Variants in BTG4 observed in about 807,000 individuals in gnomAD.
The protein encoded by BTG4 is protein BTG4.
In BTG4, 10 loss-of-function variants were observed where a neutral mutation model predicts 19.3. The ratio of observed to expected loss-of-function variants is 0.52; its 90% CI spans 0.32 to 0.88. The LOEUF is 0.88. Ranked by LOEUF, BTG4 falls within the 40% of genes least tolerant of loss-of-function variation. The pLI is 0.04. For missense variants in BTG4, 238 were observed against 281.9 expected, an observed-to-expected ratio of 0.84 and a Z score of 1.11; for synonymous variants, 91 against 95.7, an observed-to-expected ratio of 0.95 and a Z score of 0.29.
chr11:111,444,463 G>T, the BTG4 span, among the ~76,000 whole-genome samples: 1 of 152,046 alleles, frequency 6.6e-6, no homozygotes. Flanking sequence ...GAGTAGTGGG[G>T]GGCTGGGAGG....
the BTG4 span, among the ~76,000 whole-genome samples, chr11:111,410,262 C>A: frequency 6.6e-6 from 1 of 151,996 alleles, no homozygotes; most frequent in Admixed American, 6.6e-5. Context: ...CAGCATCACA[C>A]CCAGCTAATT....
downstream of BTG4, among the ~76,000 whole-genome samples, chr11:111,490,132 A>AC (rs59019476): frequency 6.6e-6 from 1 of 150,518 alleles, no homozygotes; most frequent in East Asian, 1.9e-4. Context: ...AAAAAAAAAA[A>AC]TTAGCTGGGT....
chr11:111,403,813 G>A, the BTG4 span, among the ~76,000 whole-genome samples: 1 of 152,176 alleles, frequency 6.6e-6, no homozygotes, highest in Non-Finnish European at 1.5e-5. Flanking sequence ...GATATTGATG[G>A]TAATGATGGT....
intron 5 of BTG4, chr11:111,469,313 C>G (rs530219689): frequency 6.6e-6 from 1 of 152,368 alleles, no homozygotes; most frequent in Non-Finnish European, 1.5e-5. Flanking sequence ...CACCAGGACT[C>G]CAGCCCTGCC....
At chr11:111,426,314 G>T in the BTG4 span, among the ~76,000 whole-genome samples, 4 of 151,872 alleles carry the variant, frequency 2.6e-5, no homozygotes, top group Non-Finnish European at 4.4e-5. Flanking sequence ...GAGAGTGGTT[G>T]TATCTACACA....
At chr11:111,451,665 G>C in the BTG4 span, among the ~76,000 whole-genome samples, 1 of 152,204 alleles carries the variant, frequency 6.6e-6, no homozygotes, top group African/African-American at 2.4e-5. Flanking sequence ...TTGGGAGGCT[G>C]AGGCAGGAGA....
chr11:111,495,152 C>T lies in BTG4; in HGVS notation c.673G>A (p.Val225Ile), dbSNP rs1361172569. Residue 225 changes from valine to isoleucine, a missense_variant, in exon 5 of 5, where the codon GTC (valine) becomes ATC (isoleucine). Transcript: ENST00000692032. ...TCGCTGCGTCATCGGTGTGTGTTGACCCAGTGGTACCTGTCCAGCCGGTGC... is the reference window on the plus strand; with the variant it reads ...TCGCTGCGTCATCGGTGTGTGTTGATCCAGTGGTACCTGTCCAGCCGGTGC... Reference protein sequence around the residue: ...AMHRLDRYHWVNTHR With the variant: ...AMHRLDRYHWINTHR 5 of 1,577,380 alleles carry T rather than the reference C, an allele frequency of 3.2e-6. No homozygotes were observed. Among genetic ancestry groups the T allele is most frequent in the Non-Finnish European group, 4.3e-6 (5 of 1,163,674 alleles).
chr11:111,455,247 C>T, the BTG4 span: 5 of 353,764 alleles, frequency 1.4e-5, no homozygotes, highest in Admixed American at 7.1e-5. Flanking sequence ...CTGGGAATTT[C>T]TCATCCCCTT....
chr11:111,485,354 G>A (rs1039756072), intron 5 of BTG4, among the ~76,000 whole-genome samples: 2 of 152,080 alleles, frequency 1.3e-5, no homozygotes, highest in Non-Finnish European at 2.9e-5. Context: ...CATATGTTAG[G>A]CCACAAAACA....
chr11:111,434,528 C>T, the BTG4 span, among the ~76,000 whole-genome samples: 1 of 150,824 alleles, frequency 6.6e-6, no homozygotes, highest in African/African-American at 2.4e-5. Flanking sequence ...CACATGTACC[C>T]TAGAACTTAA....
At chr11:111,440,561 C>T in the BTG4 span, among the ~76,000 whole-genome samples, 1 of 152,206 alleles carries the variant, frequency 6.6e-6, no homozygotes, top group East Asian at 1.9e-4. Flanking sequence ...TGGGCGGTGT[C>T]CCCATTTGAC....
the BTG4 span, among the ~76,000 whole-genome samples, chr11:111,388,317 G>T: frequency 1.3e-5 from 2 of 151,386 alleles, no homozygotes; most frequent in South Asian, 2.1e-4. Context: ...TGGTTGGTTG[G>T]TTGGTTTGGA....
chr11:111,464,691 G>A (rs1863616728), downstream of BTG4: 1 of 152,174 alleles, frequency 6.6e-6, no homozygotes, highest in African/African-American at 2.4e-5. Flanking sequence ...CTTTTCCCTT[G>A]TAGCTCCTGT....
intron 5 of BTG4, among the ~76,000 whole-genome samples, chr11:111,487,295 T>A (rs1236702347): frequency 6.6e-6 from 1 of 152,228 alleles, no homozygotes; most frequent in African/African-American, 2.4e-5. Context: ...CGTGAATGTA[T>A]CTTTATAATA....
At chr11:111,397,516 C>T in the BTG4 span, 1 of 152,264 alleles carries the variant, frequency 6.6e-6, no homozygotes. Flanking sequence ...CCTTTACTTT[C>T]CTTCATCCCT....
chr11:111,467,186 A>G (rs1219216937), downstream of BTG4, among the ~76,000 whole-genome samples: 1 of 152,198 alleles, frequency 6.6e-6, no homozygotes, highest in Non-Finnish European at 1.5e-5. Context: ...ACCCTATGAG[A>G]CAGATACTAT....
At chr11:111,504,105 C>A (rs529845173) in intron 1 of BTG4, among the ~76,000 whole-genome samples, 22 of 152,168 alleles carry the variant, frequency 1.4e-4, no homozygotes, top group African/African-American at 5.3e-4. Context: ...TAGTCTCACC[C>A]CTCCATTCAC....
chr11:111,437,568 T>C, the BTG4 span, among the ~76,000 whole-genome samples: 1 of 152,210 alleles, frequency 6.6e-6, no homozygotes, highest in African/African-American at 2.4e-5. Flanking sequence ...GTTAGGCCAA[T>C]GCCAGTGAAC....
chr11:111,436,846 G>GA, the BTG4 span, among the ~76,000 whole-genome samples: 7 of 152,086 alleles, frequency 4.6e-5, no homozygotes, highest in African/African-American at 1.7e-4. Flanking sequence ...TTGTTTTGCT[G>GA]AGAGTTTCCG....
Sources: allele counts gnomAD v4.1 joint callset (sites outside exome capture counted in the v4.1 genomes callset), GRCh38; gene constraint gnomAD v4.1.1; transcripts MANE v1.5; gene names NCBI Gene and HGNC (gene_info 2026-07-23, HGNC 2026-07-21).